The following CFAP43 variants were observed in gnomAD, a reference collection of about 807,000 sequenced individuals.
The protein encoded by CFAP43 is cilia and flagella associated protein 43.
CFAP43 carries 155 observed loss-of-function variants against 218.9 expected under a neutral mutation model. That is an observed-to-expected ratio of 0.71 (90% confidence interval 0.62 to 0.81). The LOEUF (loss-of-function observed/expected upper bound fraction) is 0.81. CFAP43 is among the 30% of genes least tolerant of loss of function. The pLI is 0.00. For synonymous variants in CFAP43, 645 were observed against 681.3 expected (o/e 0.95, Z 0.83); for missense variants, 1,778 against 1,954.3 (o/e 0.91, Z 1.70).
intron 23 of CFAP43, among the ~76,000 whole-genome samples, chr10:104,164,973 T>C (rs1030943488): frequency 4.6e-5 from 7 of 152,170 alleles, no homozygotes; most frequent in African/African-American, 1.7e-4. Context: ...TAAAAAGCAA[T>C]ATACAGGATT....
chr10:104,193,953 G>C lies in CFAP43; in HGVS notation c.1355C>G (p.Ser452Trp). 1 of 1,614,010 alleles carries C rather than the reference G, an allele frequency of 6.2e-7. No individual in the cohort carries two copies. Among genetic ancestry groups the C allele is most frequent in the Non-Finnish European group, 8.5e-7 (1 of 1,180,008 alleles). Residue 452 changes from serine (S) to tryptophan (W), a missense_variant, in exon 11 of 38, where the codon TCG becomes TGG. Physicochemically the swap from Ser to Trp is radical, Grantham distance 177. Around this residue, in one of 3 missense-constraint regions of CFAP43, gnomAD observed 1,553 missense variants for 1,685.2 expected, o/e 0.92. Transcript: ENST00000357060. The stretch of plus-strand genomic sequence containing the variant: ...ATCATATACGCTGATGAAGTAGACC[G>C]AGCCATCCTCCGTGCCCACGGCTGC... ...LSAAVGTEDG[S>W]VYFISVYDKE...
At chr10:104,130,694 A>G (rs546430416) in intron 37 of CFAP43, among the ~76,000 whole-genome samples, 1 of 152,260 alleles carries the variant, frequency 6.6e-6, no homozygotes, top group East Asian at 1.9e-4. Context: ...GGACATAAAG[A>G]TGGTAACAGG....
At chr10:104,132,894 A>G (rs1007522617) in intron 35 of CFAP43, 5 of 724,810 alleles carry the variant, frequency 6.9e-6, no homozygotes, top group African/African-American at 2.0e-5. Flanking sequence ...TCACATAGAT[A>G]TGATTGGTTG....
chr10:104,225,602 A>G, intron 2 of CFAP43, 45 bp from the exon 3 acceptor site: 1 of 1,486,942 alleles, frequency 6.7e-7, no homozygotes, highest in Non-Finnish European at 9.2e-7. Context: ...TGTTAAGACC[A>G]TGTTCAGTTA....
intron 28 of CFAP43, among the ~76,000 whole-genome samples, chr10:104,151,947 C>T (rs1296852556): frequency 6.6e-6 from 1 of 152,130 alleles, no homozygotes; most frequent in Non-Finnish European, 1.5e-5. Context: ...GAATTCAAAG[C>T]TAGAAATAAT....
chr10:104,218,853 A>G, intron 3 of CFAP43: 1 of 521,212 alleles, frequency 1.9e-6, no homozygotes, highest in South Asian at 1.5e-5. Context: ...TAGACCAGAG[A>G]TGAGAGAAAC....
At chr10:104,210,081 T>C (rs1210005340) in intron 5 of CFAP43, among the ~76,000 whole-genome samples, 3 of 152,254 alleles carry the variant, frequency 2.0e-5, no homozygotes, top group African/African-American at 4.8e-5. Context: ...ATAGTTGTTA[T>C]ACTATATTGT....
At chr10:104,199,088 AT>A (rs1432282759) in intron 8 of CFAP43, among the ~76,000 whole-genome samples, 7 of 152,246 alleles carry the variant, frequency 4.6e-5, no homozygotes, top group Admixed American at 1.3e-4. Flanking sequence ...ATCCTACCAC[AT>A]GCTAAATATA....
Position 104,232,340 on chromosome 10 carries a change from A to C in CFAP43, c.-94T>G. 7.8e-7 allele frequency: 1 copy of C among 1,288,450 alleles called. No homozygotes were observed. The highest frequency in any genetic ancestry group is 1.5e-5 in the South Asian group (1 of 66,260). The allele number at this position is 1,288,450 out of a possible 1,614,324, so 79.8% of individuals were successfully genotyped here. On this transcript the variant is annotated 5_prime_UTR_variant, in exon 1 of 38. Coordinates refer to ENST00000357060, the MANE Select transcript of CFAP43 (RefSeq NM_025145.7). ...CGCCGCCGCGGGGCTGCGGGCCGCG[A>C]CGCCGCTGCTGTGTACACCCGTATC...
At chr10:104,139,447 A>G (rs985766651) in intron 34 of CFAP43, among the ~76,000 whole-genome samples, 1 of 152,226 alleles carries the variant, frequency 6.6e-6, no homozygotes, top group African/African-American at 2.4e-5. Flanking sequence ...ATTGTGTTCA[A>G]ACTGCTGAAA....
chr10:104,155,737 G>A (rs1450368253), intron 27 of CFAP43, among the ~76,000 whole-genome samples: 1 of 152,088 alleles, frequency 6.6e-6, no homozygotes, highest in African/African-American at 2.4e-5. Flanking sequence ...GCTAAAAGGG[G>A]GAAGAGCGCT....
At chr10:104,140,115 T>C (rs918077078) in intron 34 of CFAP43, among the ~76,000 whole-genome samples, 3 of 151,060 alleles carry the variant, frequency 2.0e-5, no homozygotes, top group Non-Finnish European at 4.4e-5. Flanking sequence ...AAAATAAAGC[T>C]TATAGGGAAT....
rs138021022 is a variant in CFAP43 at position 104,141,327 on chromosome 10, T to C, written c.4272-326A>G. 9.5e-3 allele frequency among the ~76,000 whole-genome samples: 1,442 copies of C among 152,218 alleles called. 16 individuals carry two copies. The highest frequency in any genetic ancestry group is 0.033 in the African/African-American group (1,374 of 41,516). ...AATAGAGACACTTTTAAATAACAAA[T>C]CTGGCCAGGCGCAGTGGCTCATGCC... On this transcript the variant is annotated intron_variant, in intron 33 of 37. Coordinates refer to ENST00000357060, the MANE Select transcript of CFAP43 (RefSeq NM_025145.7).
intron 19 of CFAP43, 28 bp from the exon 20 acceptor site, chr10:104,172,563 G>T: frequency 6.5e-7 from 1 of 1,550,282 alleles, no homozygotes; most frequent in Non-Finnish European, 8.7e-7. Flanking sequence ...AAAGAGTGCT[G>T]ACAAGTAAAG....
chr10:104,139,174 A>G (rs553909643), intron 34 of CFAP43, among the ~76,000 whole-genome samples: 2 of 152,240 alleles, frequency 1.3e-5, no homozygotes, highest in Non-Finnish European at 2.9e-5. Flanking sequence ...CCAAACTGAA[A>G]CATAAAGAGA....
rs1343421699 is a variant in CFAP43 at position 104,224,035 on chromosome 10, TGATG to T, written c.416+1422_416+1425del. Among the ~76,000 whole-genome samples the T allele has an allele frequency of 3.3e-5, 5 of 151,972 alleles. No individual in the cohort carries two copies. In the South Asian group the frequency reaches 1.0e-3, roughly 32 times the overall value. On this transcript the variant is annotated intron_variant, in intron 3 of 37. Transcript: ENST00000357060. ...AAGGAACACAAGGAAACTTTTGGGGTGATGGATGAATTTATTTATTTATTTACAG... is the reference window on the plus strand; with the variant it reads ...AAGGAACACAAGGAAACTTTTGGGGTGATGAATTTATTTATTTATTTACAG...
chr10:104,212,203 C>A, intron 4 of CFAP43, 46 bp from the exon 5 acceptor site: 1 of 1,576,370 alleles, frequency 6.3e-7, no homozygotes, highest in South Asian at 1.2e-5. Context: ...ACAGAAACTT[C>A]TTATTGATGC....
At chr10:104,195,107 A>C (rs111456867) in intron 10 of CFAP43, among the ~76,000 whole-genome samples, 4 of 152,372 alleles carry the variant, frequency 2.6e-5, no homozygotes, top group African/African-American at 9.6e-5. Flanking sequence ...TGCAGGTACC[A>C]TCAGCGGATG....
At chr10:104,136,439 C>T (rs1283768593) in intron 34 of CFAP43, among the ~76,000 whole-genome samples, 1 of 151,734 alleles carries the variant, frequency 6.6e-6, no homozygotes, top group African/African-American at 2.4e-5. Context: ...GGCGCCATCT[C>T]GCCTCACTGC....
Sources: allele counts gnomAD v4.1 joint callset (sites outside exome capture counted in the v4.1 genomes callset), GRCh38; gene constraint gnomAD v4.1.1; regional missense constraint gnomAD v4.1.1; transcripts MANE v1.5; gene names NCBI Gene and HGNC (gene_info 2026-07-23, HGNC 2026-07-21).